The following ASCC3 variants were observed in gnomAD, a reference collection of about 807,000 sequenced individuals.
ASCC3 encodes activating signal cointegrator 1 complex subunit 3.
ASCC3 carries 158 observed loss-of-function variants against 256.3 expected under a neutral mutation model. The ratio of observed to expected loss-of-function variants is 0.62; its 90% confidence interval spans 0.54 to 0.70. ASCC3 has a LOEUF of 0.70. Ranked by LOEUF, ASCC3 falls within the 30% of genes least tolerant of loss-of-function variation. The pLI, the probability that ASCC3 is intolerant of heterozygous loss-of-function variation, is 0.00. For synonymous variants in ASCC3, 948 were observed against 883.4 expected, an observed-to-expected ratio of 1.07 and a Z score of -1.30; for missense variants, 2,259 against 2,626.0, an observed-to-expected ratio of 0.86 and a Z score of 3.05.
chr6:100,665,474 T>C (rs1476915509), intron 14 of ASCC3, among the ~76,000 whole-genome samples: 1 of 151,838 alleles, frequency 6.6e-6, no homozygotes, highest in Non-Finnish European at 1.5e-5. Flanking sequence ...CCTGTAATCC[T>C]AGCACTTTGG....
chr6:100,848,182 G>A lies in ASCC3; in HGVS notation c.767C>T (p.Ala256Val). The A allele has an allele frequency of 3.1e-6, 5 of 1,601,332 alleles. No individual in the cohort carries two copies. The highest frequency in any genetic ancestry group is 4.3e-6 in the Non-Finnish European group (5 of 1,175,614). ...AAGTTCATCACCACTTTTAATAGAA[G>A]CAAGCATATCATATAAAGTACAGCA... is the stretch of plus-strand genomic sequence containing the variant. ...DLCCTLYDML[A>V]SIKSGDELQD... Residue 256 changes from alanine to valine, a missense_variant, in exon 4 of 42, where the codon GCT becomes GTT. Coordinates refer to ENST00000369162, the MANE Select transcript of ASCC3 (RefSeq NM_006828.4).
chr6:100,534,088 C>A lies in ASCC3; in HGVS notation c.5775+6075G>T, dbSNP rs188418328. ...TGAAACTCTGTCTCTACAAAAAATA[C>A]AAAAAATTAGCCAGGCGTGGTGGCT... On this transcript the variant is annotated intron_variant, in intron 37 of 41. Coordinates refer to ENST00000369162, the MANE Select transcript of ASCC3 (RefSeq NM_006828.4). Among the ~76,000 whole-genome samples the A allele has an allele frequency of 6.6e-3, 1,009 of 152,110 alleles. 12 individuals are homozygous for A. Among genetic ancestry groups the A allele is most frequent in the African/African-American group, 0.023 (953 of 41,494 alleles).
chr6:100,820,473 T>TA (rs1040127654), intron 4 of ASCC3, among the ~76,000 whole-genome samples: 1 of 152,040 alleles, frequency 6.6e-6, no homozygotes, highest in Non-Finnish European at 1.5e-5. Flanking sequence ...GCATACCATA[T>TA]AAAAAATCAA....
At chr6:100,841,283 A>G (rs1772133506) in intron 4 of ASCC3, among the ~76,000 whole-genome samples, 1 of 152,198 alleles carries the variant, frequency 6.6e-6, no homozygotes, top group South Asian at 2.1e-4. Flanking sequence ...GCATATCATG[A>G]GGTTCAAGAA....
chr6:100,762,429 C>T (rs1192509861), intron 10 of ASCC3, among the ~76,000 whole-genome samples: 1 of 152,108 alleles, frequency 6.6e-6, no homozygotes, highest in Non-Finnish European at 1.5e-5. Flanking sequence ...AATAGTAACT[C>T]TTCATCAAGG....
At chr6:100,798,364 G>A (rs1769736977) in intron 8 of ASCC3, among the ~76,000 whole-genome samples, 1 of 151,528 alleles carries the variant, frequency 6.6e-6, no homozygotes, top group Non-Finnish European at 1.5e-5. Context: ...CCCCCTCAAT[G>A]TATTCTATTT....
intron 36 of ASCC3, among the ~76,000 whole-genome samples, chr6:100,541,834 C>T (rs1292849485): frequency 6.6e-6 from 1 of 152,144 alleles, no homozygotes; most frequent in Non-Finnish European, 1.5e-5. Flanking sequence ...GTTGTTACAA[C>T]TGTATTTTAC....
chr6:100,713,470 G>GA (rs1487691185), intron 13 of ASCC3, among the ~76,000 whole-genome samples: 2 of 152,114 alleles, frequency 1.3e-5, no homozygotes, highest in Non-Finnish European at 2.9e-5. Context: ...AAATTTGTAT[G>GA]AAACTATAAT....
intron 36 of ASCC3, among the ~76,000 whole-genome samples, chr6:100,566,664 C>T (rs1413242854): frequency 6.6e-6 from 1 of 151,942 alleles, no homozygotes; most frequent in African/African-American, 2.4e-5. Context: ...GCATTGATTG[C>T]CATTTGTTTT....
chr6:100,742,737 T>C (rs916881046), intron 10 of ASCC3, among the ~76,000 whole-genome samples: 4 of 152,198 alleles, frequency 2.6e-5, no homozygotes, highest in African/African-American at 4.8e-5. Context: ...CTGGAGTGGC[T>C]GAGTTGACCA....
chr6:100,548,140 C>T (rs1198519380), intron 36 of ASCC3, among the ~76,000 whole-genome samples: 3 of 151,300 alleles, frequency 2.0e-5, no homozygotes, highest in South Asian at 2.1e-4. Context: ...TTACTAGCTA[C>T]CTAGGGGAGT....
chr6:100,744,319 A>T (rs1169850596), intron 10 of ASCC3, among the ~76,000 whole-genome samples: 1 of 152,174 alleles, frequency 6.6e-6, no homozygotes, highest in Non-Finnish European at 1.5e-5. Context: ...ACTGATTATT[A>T]TAGGTAGGTT....
At chr6:100,752,520 A>T (rs1031086989) in intron 10 of ASCC3, among the ~76,000 whole-genome samples, 2 of 152,146 alleles carry the variant, frequency 1.3e-5, no homozygotes, top group African/African-American at 4.8e-5. Flanking sequence ...TTTCCTACTC[A>T]ACATGTTTAA....
At chr6:100,574,796 A>G (rs1281292066) in intron 36 of ASCC3, among the ~76,000 whole-genome samples, 1 of 152,102 alleles carries the variant, frequency 6.6e-6, no homozygotes, top group East Asian at 1.9e-4. Context: ...AATCTACTAA[A>G]TCACAATAGA....
Position 100,800,508 on chromosome 6 carries a change from A to T in ASCC3, c.923-4T>A, listed in dbSNP as rs953698915. The T allele has an allele frequency of 5.0e-6, 8 of 1,591,350 alleles. No homozygotes were observed. Among genetic ancestry groups the T allele is most frequent in the Non-Finnish European group, 4.3e-6 (5 of 1,163,374 alleles). On this transcript the variant is annotated splice_polypyrimidine_tract_variant and splice_region_variant and intron_variant, in intron 5 of 41. Transcript: ENST00000369162. ...CCTAAAATTTTTTTACAATTGTCTA[A>T]GAAGCAAATTTAAGAAACACAATGT... is the stretch of plus-strand genomic sequence containing the variant.
intron 36 of ASCC3, among the ~76,000 whole-genome samples, chr6:100,584,416 CTTTT>C (rs967041170): frequency 9.2e-5 from 14 of 151,674 alleles, no homozygotes; most frequent in African/African-American, 2.9e-4. Context: ...CAACCTCTCC[CTTTT>C]TTTGTTTTCC....
intron 37 of ASCC3, among the ~76,000 whole-genome samples, chr6:100,529,710 T>C (rs1271428684): frequency 1.3e-5 from 2 of 152,210 alleles, no homozygotes; most frequent in African/African-American, 4.8e-5. Context: ...TCCATCAATA[T>C]AGGACAAAGG....
intron 36 of ASCC3, among the ~76,000 whole-genome samples, chr6:100,557,722 TG>T (rs1321176079): frequency 2.1e-5 from 1 of 48,606 alleles, no homozygotes; most frequent in African/African-American, 7.9e-5. Context: ...GTAGGGTGGG[TG>T]GGGGGTAAGG....
At chr6:100,863,997 C>G in intron 3 of ASCC3, 67 bp downstream of exon 3, 1 of 1,293,124 alleles carries the variant, frequency 7.7e-7, no homozygotes, top group Non-Finnish European at 1.0e-6. Context: ...ATGTTGTTTA[C>G]AAGGAATCTG....
Sources: allele counts gnomAD v4.1 joint callset (sites outside exome capture counted in the v4.1 genomes callset), GRCh38; gene constraint gnomAD v4.1.1; transcripts MANE v1.5; gene names NCBI Gene and HGNC (gene_info 2026-07-23, HGNC 2026-07-21).